Variants in NFATC2 observed in about 807,000 individuals in gnomAD.
NFATC2 encodes the protein nuclear factor of activated T cells 2, also known as nuclear factor of activated T-cells, cytoplasmic 2.
Under a neutral mutation model 87.3 loss-of-function variants are expected in NFATC2, and 22 were observed. The ratio of observed to expected loss-of-function variants is 0.25; its 90% CI spans 0.18 to 0.36. The LOEUF (loss-of-function observed/expected upper bound fraction) is 0.36, where lower values mean the gene tolerates loss of function less well. Among genes scored for constraint, NFATC2 ranks in the 10% least tolerant of loss-of-function variants. The probability of loss-of-function intolerance (pLI) is 1.00; values close to 1 mark genes in which losing one functional copy is unlikely to be tolerated. For synonymous variants in NFATC2, 565 were observed against 542.2 expected, an observed-to-expected ratio of 1.04 and a Z score of -0.58; for missense variants, 1,149 against 1,259.1, an observed-to-expected ratio of 0.91 and a Z score of 1.32.
chr20:51,408,583 C>A (rs867142978), intron 9 of NFATC2, among the ~76,000 whole-genome samples: 4 of 149,910 alleles, frequency 2.7e-5, no homozygotes, highest in Non-Finnish European at 5.9e-5. Flanking sequence ...ATTTACAACA[C>A]CAACAGATTA....
chr20:51,456,504 G>A (rs1986552958), intron 5 of NFATC2, among the ~76,000 whole-genome samples: 2 of 152,180 alleles, frequency 1.3e-5, no homozygotes. Context: ...CAGAAGCCAG[G>A]CTGCAGAAAA....
Position 51,432,708 on chromosome 20 carries a change from A to C in NFATC2, c.2081T>G (p.Ile694Ser), listed in dbSNP as rs1187255007. The change falls in exon 9 of 11, where the codon ATC becomes AGC. Residue 694 changes from isoleucine (I) to serine (S), a missense_variant. By Grantham distance (142) the Ile-to-Ser change is moderately radical. Transcript: ENST00000371564. This position sits in a 1 kb window ranked among gnomAD's most constrained non-coding sequence, Gnocchi z 4.6. The part of the protein sequence containing the change: ...EPTDEYDPTL[I>S]CSPTHGGLGS... ...CAGGCCTCCATGGGTGGGGCTGCAG[A>C]TCAGAGTGGGGTCATATTCATCCGT... The C allele has an allele frequency of 6.3e-7, 1 of 1,586,774 alleles. No homozygotes were observed. Among genetic ancestry groups the C allele is most frequent in the African/African-American group, 1.3e-5 (1 of 74,312 alleles).
At position 51,475,496 on chromosome 20, in the gene NFATC2, C is replaced by T. The variant is rs1988632630; in HGVS notation, c.1497G>A (p.Leu499=). 1 of 1,613,954 alleles carries T rather than the reference C, an allele frequency of 6.2e-7. No homozygotes were observed. The highest frequency in any genetic ancestry group is 1.3e-5 in the African/African-American group (1 of 74,878). Reference sequence around the variant, plus strand: ...TGTTTTTGGGCTCCAAGGGTATCTCCAGGACTTTGGTGTTGCCCACTATCT... The same window carrying T: ...TGTTTTTGGGCTCCAAGGGTATCTCTAGGACTTTGGTGTTGCCCACTATCT... ...YEKIVGNTKV[L]EIPLEPKNNM... The change falls in exon 4 of 11, where the codon CTG becomes CTA. Residue 499 remains leucine (L), a synonymous_variant. Coordinates refer to ENST00000371564, the MANE Select transcript of NFATC2 (RefSeq NM_012340.5).
At chr20:51,558,633 AC>A (rs1440873764) in intron 1 of NFATC2, among the ~76,000 whole-genome samples, 1 of 152,070 alleles carries the variant, frequency 6.6e-6, no homozygotes, top group Non-Finnish European at 1.5e-5. Flanking sequence ...GCTTCCTACC[AC>A]CCTCCAAAGA....
At chr20:51,430,736 C>T (rs80295727) in intron 9 of NFATC2, among the ~76,000 whole-genome samples, 2,154 of 152,316 alleles carry the variant, frequency 0.014, 56 homozygotes, top group African/African-American at 0.049. Flanking sequence ...TCAACAGCCT[C>T]TGACTATGCA....
At chr20:51,507,051 A>G (rs1355054886) in intron 3 of NFATC2, among the ~76,000 whole-genome samples, 2 of 152,138 alleles carry the variant, frequency 1.3e-5, no homozygotes, top group Non-Finnish European at 2.9e-5. Context: ...GGAGCGCTCC[A>G]CAGGCGTCTG....
In NFATC2 at chr20:51,517,592, C is replaced by CA. The variant is rs542579510; in HGVS notation, c.1161-638dup. On this transcript the variant is annotated intron_variant, in intron 2 of 10. Coordinates refer to ENST00000371564, the MANE Select transcript of NFATC2 (RefSeq NM_012340.5). ...GAGGGACCAGAGTGAGACCCTGTCT[C>CA]AAAAAAAAAAAAGAAACAAAACAAA... 2.8e-3 allele frequency among the ~76,000 whole-genome samples: 385 copies of CA among 136,052 alleles called. 1 individual carries two copies. Among genetic ancestry groups the CA allele is most frequent in the Middle Eastern group, 0.014 (4 of 278 alleles). The allele number at this position is 136,052 out of a possible 152,430, so 89.3% of individuals were successfully genotyped here. A position where few individuals can be genotyped will look rare whatever the true frequency, so the allele number is the denominator to read the frequency against.
At chr20:51,515,891 C>A (rs764492790) in intron 3 of NFATC2, among the ~76,000 whole-genome samples, 1 of 152,066 alleles carries the variant, frequency 6.6e-6, no homozygotes, top group Non-Finnish European at 1.5e-5. Context: ...TTTTTAAGAA[C>A]CACCCTAGAG....
chr20:51,407,359 G>A (rs1978490623), intron 9 of NFATC2, among the ~76,000 whole-genome samples: 1 of 152,224 alleles, frequency 6.6e-6, no homozygotes. Context: ...AGCTGTAGGA[G>A]GGCCGGGACT....
rs146415380 is a variant in NFATC2, at chr20:51,525,150, G to A, written c.131-1040C>T. Among the ~76,000 whole-genome samples, 619 of 152,306 alleles carry A rather than the reference G, an allele frequency of 4.1e-3. 7 individuals are homozygous for A. The highest frequency in any genetic ancestry group is 0.014 in the African/African-American group (588 of 41,558). ...CACAAGAATCGCTTAAAACCAGGAG[G>A]CGGAGGTTTCAATGAGCCAAGACTG... On this transcript the variant is annotated intron_variant, in intron 1 of 10. Transcript: ENST00000371564.
intron 3 of NFATC2, among the ~76,000 whole-genome samples, chr20:51,482,740 T>C (rs1989371272): frequency 6.6e-6 from 1 of 152,238 alleles, no homozygotes; most frequent in South Asian, 2.1e-4. Flanking sequence ...CACCATTCTG[T>C]ACAAGAGATC....
chr20:51,510,945 G>A (rs1448861892), intron 3 of NFATC2, among the ~76,000 whole-genome samples: 1 of 152,162 alleles, frequency 6.6e-6, no homozygotes, highest in Non-Finnish European at 1.5e-5. Context: ...ATTTATTCCA[G>A]ATGATGTGAA....
At chr20:51,505,747 G>A (rs185057841) in intron 3 of NFATC2, among the ~76,000 whole-genome samples, 13 of 152,210 alleles carry the variant, frequency 8.5e-5, no homozygotes, top group East Asian at 1.9e-4. Flanking sequence ...GCTGGGTGTC[G>A]TTGTCGTGGC....
intron 2 of NFATC2, among the ~76,000 whole-genome samples, chr20:51,517,313 G>C (rs2076367593): frequency 6.6e-6 from 1 of 152,102 alleles, no homozygotes; most frequent in African/African-American, 2.4e-5. Context: ...ATTATGGCTG[G>C]GTGTGGTGGC....
Position 51,524,080 on chromosome 20 carries a change from G to A in NFATC2, c.161C>T (p.Pro54Leu), listed in dbSNP as rs1705838916. Residue 54 changes from proline (P) to leucine (L), a missense_variant, in exon 2 of 11, where the codon CCA (proline) becomes CTA (leucine). Physicochemically the swap from Pro to Leu is moderately conservative, Grantham distance 98 (BLOSUM62 -3). This residue lies in a region of NFATC2 where 563 missense variants were observed against 585.2 expected (regional missense o/e 0.96). Transcript: ENST00000371564. This position sits in a 1 kb window ranked among gnomAD's most constrained non-coding sequence, Gnocchi z 4.0. ...ATCGGGGTATGCGGGTCCGGAGGGT[G>A]GGCTGGCGACCTTATGTGCATTCGG... ...EEPNAHKVASPPSGPAYPDDV... is the reference protein window; with the variant it reads ...EEPNAHKVASLPSGPAYPDDV... 2.7e-6 allele frequency: 4 copies of A among 1,474,788 alleles called. No individual in the cohort carries two copies. Among genetic ancestry groups the A allele is most frequent in the South Asian group, 1.5e-5 (1 of 66,688 alleles). The allele number at this position is 1,474,788 out of a possible 1,614,324, so 91.4% of individuals were successfully genotyped here.
chr20:51,534,494 C>A (rs183142046), intron 1 of NFATC2, among the ~76,000 whole-genome samples: 1 of 152,274 alleles, frequency 6.6e-6, no homozygotes, highest in Admixed American at 6.5e-5. Context: ...GCCACCATGC[C>A]CAGCTAATTT....
chr20:51,463,149 G>C (rs1463890278), intron 5 of NFATC2, among the ~76,000 whole-genome samples: 1 of 152,220 alleles, frequency 6.6e-6, no homozygotes, highest in Non-Finnish European at 1.5e-5. Context: ...CATCTCCCGG[G>C]AGAGGCTGTG....
chr20:51,540,663 T>TTTTTTTTTTTTTTTTTTTTTTTTTTTTG (rs1555818354), intron 1 of NFATC2, among the ~76,000 whole-genome samples: 18 of 135,764 alleles, frequency 1.3e-4, no homozygotes, highest in African/African-American at 4.0e-4. Flanking sequence ...TTTTTGTTTT[T>TTTTTTTTTTTTTTTTTTTTTTTTTTTTG]TTTTTTTTGA....
At position 51,523,516 on chromosome 20, in the gene NFATC2, G is replaced by T; in HGVS notation, c.725C>A (p.Ala242Asp). The T allele has an allele frequency of 6.2e-7, 1 of 1,613,282 alleles. No homozygotes were observed. Among genetic ancestry groups the T allele is most frequent in the Non-Finnish European group, 8.5e-7 (1 of 1,179,638 alleles). Residue 242 changes from alanine (A) to aspartate (D), a missense_variant, in exon 2 of 11, where the codon GCC (alanine) becomes GAC (aspartate). Ala to Asp is a moderately radical substitution (Grantham distance 126). Around this residue, in one of 3 missense-constraint regions of NFATC2, gnomAD observed 563 missense variants for 585.2 expected, o/e 0.96. Coordinates refer to ENST00000371564, the MANE Select transcript of NFATC2 (RefSeq NM_012340.5). This position sits in a 1 kb window ranked among gnomAD's most constrained non-coding sequence, Gnocchi z 6.9. ...LGRHSPVPRP[A>D]SRSSSPGAKR... The stretch of plus-strand genomic sequence containing the variant: ...GGCACCAGGCGATGAGGAGCGGGAG[G>T]CCGGACGGGGCACGGGCGAGTGGCG...
Sources: gnomAD v4.1 joint callset for allele counts (sites outside exome capture counted in the v4.1 genomes callset) on GRCh38, gnomAD v4.1.1 for gene constraint, gnomAD v4.1.1 regional missense constraint, Gnocchi (gnomAD v3.1) non-coding constraint, MANE v1.5 for transcripts, NCBI Gene and HGNC (gene_info 2026-07-23, HGNC 2026-07-21) for gene names.